The following KIF16B variants were observed in gnomAD, a reference collection of about 807,000 sequenced individuals.
The protein encoded by KIF16B is kinesin-like protein KIF16B.
KIF16B carries 98 observed loss-of-function variants against 156.3 expected under a neutral mutation model. The ratio of observed to expected loss-of-function variants is 0.63; its 90% CI spans 0.53 to 0.74. The LOEUF is 0.74. Ranked by LOEUF, KIF16B falls within the 30% of genes least tolerant of loss-of-function variation. The pLI, the probability that KIF16B is intolerant of heterozygous loss-of-function variation, is 0.00. For synonymous variants in KIF16B, 564 were observed against 583.7 expected (o/e 0.97, Z 0.49); for missense variants, 1,421 against 1,606.5 (o/e 0.88, Z 1.97).
chr20:16,325,604 C>T (rs2063833999), intron 24 of KIF16B, among the ~76,000 whole-genome samples: 1 of 150,790 alleles, frequency 6.6e-6, no homozygotes, highest in Non-Finnish European at 1.5e-5. Flanking sequence ...TGAAAGACCT[C>T]TACAAGGAAA....
At chr20:16,522,705 A>G (rs2069396528) in intron 3 of KIF16B, among the ~76,000 whole-genome samples, 1 of 152,178 alleles carries the variant, frequency 6.6e-6, no homozygotes, top group African/African-American at 2.4e-5. Context: ...ACCCCAAATA[A>G]CAGAACACAC....
chr20:16,562,373 C>A (rs550175719), intron 1 of KIF16B, among the ~76,000 whole-genome samples: 2 of 152,224 alleles, frequency 1.3e-5, no homozygotes, highest in Admixed American at 1.3e-4. Context: ...CGGGAAAGAG[C>A]TGAAGCTGTC....
intron 3 of KIF16B, among the ~76,000 whole-genome samples, chr20:16,518,991 A>G (rs545531007): frequency 6.6e-6 from 1 of 152,324 alleles, no homozygotes; most frequent in East Asian, 1.9e-4. Flanking sequence ...GCACCCGTAC[A>G]GCCCCATGGT....
intron 7 of KIF16B, among the ~76,000 whole-genome samples, 180 bp downstream of exon 7, chr20:16,507,778 T>C (rs2068830620): frequency 6.6e-6 from 1 of 152,214 alleles, no homozygotes; most frequent in Non-Finnish European, 1.5e-5. Flanking sequence ...ATTACTGTGA[T>C]TGTAACCACA....
At chr20:16,516,140 C>T (rs955939624) in intron 3 of KIF16B, among the ~76,000 whole-genome samples, 7 of 152,318 alleles carry the variant, frequency 4.6e-5, no homozygotes, top group Admixed American at 3.9e-4. Flanking sequence ...TCAAAATCAA[C>T]CTCTGCAGGT....
intron 20 of KIF16B, among the ~76,000 whole-genome samples, chr20:16,373,502 C>G (rs2064872606): frequency 6.6e-6 from 1 of 152,184 alleles, no homozygotes; most frequent in South Asian, 2.1e-4. Context: ...CACAATGCCA[C>G]CTAAGTTGAA....
chr20:16,443,624 T>C (rs1025855793), intron 12 of KIF16B, among the ~76,000 whole-genome samples: 2 of 152,172 alleles, frequency 1.3e-5, no homozygotes, highest in African/African-American at 4.8e-5. Context: ...TTTACACAAG[T>C]ATTCCTGTAA....
At chr20:16,312,978 C>T (rs1254591312) in intron 24 of KIF16B, among the ~76,000 whole-genome samples, 2 of 151,880 alleles carry the variant, frequency 1.3e-5, no homozygotes, top group Non-Finnish European at 2.9e-5. Flanking sequence ...CATCTTTTCA[C>T]CTTGTTTCCT....
chr20:16,348,389 C>T (rs1469517724), intron 23 of KIF16B, among the ~76,000 whole-genome samples: 1 of 152,206 alleles, frequency 6.6e-6, no homozygotes, highest in East Asian at 1.9e-4. Context: ...GCAAGTCATT[C>T]ATAATTTCCT....
At chr20:16,567,124 G>T (rs748834632) in intron 1 of KIF16B, among the ~76,000 whole-genome samples, 4 of 152,152 alleles carry the variant, frequency 2.6e-5, no homozygotes, top group African/African-American at 4.8e-5. Flanking sequence ...GGGGAGACTT[G>T]GATTCAAATC....
intron 25 of KIF16B, among the ~76,000 whole-genome samples, chr20:16,288,415 A>G (rs1181085249): frequency 6.6e-6 from 1 of 152,414 alleles, no homozygotes; most frequent in African/African-American, 2.4e-5. Context: ...TACAGTATGT[A>G]CTGGTGATAA....
intron 9 of KIF16B, among the ~76,000 whole-genome samples, chr20:16,504,818 G>T (rs2068726761): frequency 6.6e-6 from 1 of 152,024 alleles, no homozygotes; most frequent in African/African-American, 2.4e-5. Context: ...CTATAGTTAG[G>T]TAGTTTTCCC....
chr20:16,451,145 A>C (rs112008000), intron 12 of KIF16B, among the ~76,000 whole-genome samples: 66 of 152,336 alleles, frequency 4.3e-4, no homozygotes, highest in African/African-American at 1.5e-3. Flanking sequence ...GAAAATACAA[A>C]TGAGAAAGAC....
At chr20:16,376,181 A>G (rs2064946891) in intron 19 of KIF16B, among the ~76,000 whole-genome samples, 1 of 152,216 alleles carries the variant, frequency 6.6e-6, no homozygotes, top group South Asian at 2.1e-4. Flanking sequence ...TCATTGTTAA[A>G]GGACTCTGAC....
At chr20:16,549,183 C>A in intron 1 of KIF16B, among the ~76,000 whole-genome samples, 1 of 131,394 alleles carries the variant, frequency 7.6e-6, no homozygotes, top group Non-Finnish European at 1.6e-5. Flanking sequence ...AATGCCATCC[C>A]TCCCCCCTCC....
intron 15 of KIF16B, 114 bp downstream of exon 15, chr20:16,426,990 C>A: frequency 1.1e-6 from 1 of 941,666 alleles, no homozygotes; most frequent in Non-Finnish European, 1.5e-6. Flanking sequence ...CAGTCTCACC[C>A]TTTTTATACC....
Position 16,404,903 on chromosome 20 carries a change from T to G in KIF16B, c.1696-2A>C. On this transcript the variant is annotated splice_acceptor_variant, in intron 16 of 25. Transcript: ENST00000354981. LOFTEE classifies it high-confidence loss of function. Reference sequence around the variant, plus strand: ...GCTGAAGGAGGACAGAAGGCCACTCTAAGGGCAGACACAGGGCAGAGTGGT... The same window carrying G: ...GCTGAAGGAGGACAGAAGGCCACTCGAAGGGCAGACACAGGGCAGAGTGGT... The G allele has an allele frequency of 6.2e-7, 1 of 1,611,848 alleles. No individual in the cohort carries two copies. The highest frequency in any genetic ancestry group is 8.5e-7 in the Non-Finnish European group (1 of 1,178,404).
At chr20:16,294,559 C>G (rs1443689735) in intron 25 of KIF16B, among the ~76,000 whole-genome samples, 5 of 152,184 alleles carry the variant, frequency 3.3e-5, no homozygotes, top group African/African-American at 7.2e-5. Context: ...GACTTTCATC[C>G]TCTCTTGTTT....
chr20:16,386,408 C>T (rs115340243), intron 17 of KIF16B, among the ~76,000 whole-genome samples: 1,917 of 151,978 alleles, frequency 0.013, 39 homozygotes, highest in African/African-American at 0.043. Context: ...ACCTTCATGA[C>T]GTGGAGGTTC....
Sources: gnomAD v4.1 joint callset for allele counts (sites outside exome capture counted in the v4.1 genomes callset) on GRCh38, gnomAD v4.1.1 for gene constraint, MANE v1.5 for transcripts, NCBI Gene and HGNC (gene_info 2026-07-23, HGNC 2026-07-21) for gene names.